JAKMIP2: variants seen among roughly 807,000 people sequenced by gnomAD.
JAKMIP2 encodes janus kinase and microtubule interacting protein 2.
JAKMIP2 carries 25 observed loss-of-function variants against 115.0 expected under a neutral mutation model. The observed-to-expected ratio is 0.22, with a 90% CI of 0.16 to 0.30. The LOEUF is 0.30. JAKMIP2 is among the 10% of genes least tolerant of loss of function. JAKMIP2 has a pLI of 1.00. For missense variants in JAKMIP2, 642 were observed against 957.6 expected, an observed-to-expected ratio of 0.67 and a Z score of 4.35; for synonymous variants, 334 against 343.6, an observed-to-expected ratio of 0.97 and a Z score of 0.31.
At chr5:147,610,382 T>C (rs1337479353) in intron 20 of JAKMIP2, among the ~76,000 whole-genome samples, 1 of 152,244 alleles carries the variant, frequency 6.6e-6, no homozygotes, top group African/African-American at 2.4e-5. Context: ...ATGGTTGTCC[T>C]TTTCATTGAT....
intron 1 of JAKMIP2, among the ~76,000 whole-genome samples, chr5:147,716,116 T>C (rs995303927): frequency 1.4e-5 from 2 of 147,474 alleles, no homozygotes; most frequent in African/African-American, 5.1e-5. Flanking sequence ...GTTCTTGTGA[T>C]AGTTTACTGA....
chr5:147,718,282 C>A (rs1344607698), intron 1 of JAKMIP2, among the ~76,000 whole-genome samples: 33 of 150,142 alleles, frequency 2.2e-4, no homozygotes, highest in Non-Finnish European at 4.2e-4. Flanking sequence ...CATCAATGTT[C>A]ATCAAGGATA....
intron 1 of JAKMIP2, among the ~76,000 whole-genome samples, chr5:147,680,156 T>C (rs1020745584): frequency 1.3e-5 from 2 of 152,178 alleles, no homozygotes; most frequent in African/African-American, 4.8e-5. Context: ...AACTAGCAAA[T>C]TATTTTTATC....
intron 1 of JAKMIP2, among the ~76,000 whole-genome samples, chr5:147,767,009 C>T (rs950249731): frequency 2.0e-5 from 3 of 152,114 alleles, no homozygotes; most frequent in Admixed American, 6.6e-5. Context: ...TTTCTGCTTG[C>T]ACATTGGCCT....
intron 1 of JAKMIP2, among the ~76,000 whole-genome samples, chr5:147,693,836 T>A (rs1384043342): frequency 7.2e-5 from 11 of 152,218 alleles, no homozygotes; most frequent in African/African-American, 2.4e-4. Flanking sequence ...GAATTACAAT[T>A]AATTTGGGGG....
rs971625927 is a variant in JAKMIP2 at position 147,648,387 on chromosome 5, G to A, written c.925C>T (p.Arg309Ter). The stretch of plus-strand genomic sequence containing the variant: ...TTAGTATATCTCACCAGTTCATTTC[G>A]TTCATCTCCAAGCAAGGTATTCCTG... ...EDRNTLLGDERNELLKRVRET... is the reference protein window; with the variant it reads ...EDRNTLLGDE The change falls in exon 5 of 22, where the codon CGA becomes TGA. Residue 309 changes from arginine to a stop codon, truncating the protein, a stop_gained. Coordinates refer to ENST00000616793, the MANE Select transcript of JAKMIP2 (RefSeq NM_001270941.2). LOFTEE classifies it high-confidence loss of function. 2 of 1,593,244 alleles carry A rather than the reference G, an allele frequency of 1.3e-6. No homozygotes were observed. The highest frequency in any genetic ancestry group is 1.7e-6 in the Non-Finnish European group (2 of 1,161,916).
chr5:147,777,860 C>T (rs1755620121), intron 1 of JAKMIP2, among the ~76,000 whole-genome samples: 1 of 151,882 alleles, frequency 6.6e-6, no homozygotes, highest in African/African-American at 2.4e-5. Flanking sequence ...AAAGAGACAC[C>T]AGAAAATTAG....
At chr5:147,633,321 A>AC (rs1388503449) in intron 12 of JAKMIP2, among the ~76,000 whole-genome samples, 2 of 152,134 alleles carry the variant, frequency 1.3e-5, no homozygotes, top group African/African-American at 4.8e-5. Context: ...GCACAAACAC[A>AC]CCCACACATG....
chr5:147,698,759 T>C lies in JAKMIP2; in HGVS notation c.-148-26805A>G, dbSNP rs143521215. ...AGGCCTCCCTAGCCATGTGGAACCATGAGTCAATTAAACCTCTTTCTTTCA... is the reference window on the plus strand; with the variant it reads ...AGGCCTCCCTAGCCATGTGGAACCACGAGTCAATTAAACCTCTTTCTTTCA... On this transcript the variant is annotated intron_variant, in intron 1 of 21. Coordinates refer to ENST00000616793, the MANE Select transcript of JAKMIP2 (RefSeq NM_001270941.2). 1.0e-2 allele frequency among the ~76,000 whole-genome samples: 1,520 copies of C among 152,330 alleles called. 32 individuals carry two copies. Among genetic ancestry groups the C allele is most frequent in the African/African-American group, 0.035 (1,446 of 41,576 alleles).
At chr5:147,711,273 G>A (rs1397426035) in intron 1 of JAKMIP2, among the ~76,000 whole-genome samples, 7 of 152,158 alleles carry the variant, frequency 4.6e-5, no homozygotes, top group African/African-American at 1.7e-4. Flanking sequence ...TAATGAGGTA[G>A]TTGGCAAGTC....
intron 1 of JAKMIP2, among the ~76,000 whole-genome samples, chr5:147,714,406 A>G (rs1752889024): frequency 1.3e-5 from 2 of 152,194 alleles, no homozygotes; most frequent in South Asian, 4.1e-4. Context: ...AGGGAATGAA[A>G]AACAGGTCGA....
intron 20 of JAKMIP2, among the ~76,000 whole-genome samples, chr5:147,611,311 G>T (rs1028969807): frequency 2.6e-5 from 4 of 152,162 alleles, no homozygotes; most frequent in South Asian, 2.1e-4. Flanking sequence ...GGGCCCTTGT[G>T]GTGTAGGCAC....
At chr5:147,615,246 T>A (rs1165437368) in intron 19 of JAKMIP2, among the ~76,000 whole-genome samples, 2 of 152,178 alleles carry the variant, frequency 1.3e-5, no homozygotes, top group Non-Finnish European at 2.9e-5. Context: ...CAGTATGTGG[T>A]TCATTTTTAA....
chr5:147,642,395 A>G (rs1757921591), intron 7 of JAKMIP2, among the ~76,000 whole-genome samples: 1 of 152,186 alleles, frequency 6.6e-6, no homozygotes, highest in Admixed American at 6.6e-5. Flanking sequence ...TAGAGATATC[A>G]TGGGAATTTG....
chr5:147,733,040 A>C (rs889636261), intron 1 of JAKMIP2, among the ~76,000 whole-genome samples: 1 of 152,154 alleles, frequency 6.6e-6, no homozygotes, highest in Non-Finnish European at 1.5e-5. Context: ...TAATTAACTC[A>C]TGGTTTAGGT....
At chr5:147,661,724 G>A (rs1581373572) in intron 2 of JAKMIP2, 2 of 362,198 alleles carry the variant, frequency 5.5e-6, no homozygotes, top group East Asian at 5.5e-5. Context: ...AAGCAGCCTC[G>A]GTATCACCCA....
At chr5:147,685,531 C>T (rs1211941905) in intron 1 of JAKMIP2, among the ~76,000 whole-genome samples, 1 of 152,114 alleles carries the variant, frequency 6.6e-6, no homozygotes, top group Non-Finnish European at 1.5e-5. Flanking sequence ...TAGCCTTACT[C>T]CGGAGCCTAT....
At chr5:147,660,103 A>G (rs1443768878) in intron 3 of JAKMIP2, among the ~76,000 whole-genome samples, 1 of 152,234 alleles carries the variant, frequency 6.6e-6, no homozygotes, top group Non-Finnish European at 1.5e-5. Flanking sequence ...AGTAAGATGT[A>G]ACAGATGCTA....
At chr5:147,776,892 C>T (rs1755577970) in intron 1 of JAKMIP2, among the ~76,000 whole-genome samples, 1 of 152,150 alleles carries the variant, frequency 6.6e-6, no homozygotes, top group Non-Finnish European at 1.5e-5. Context: ...CATGCCACTG[C>T]ATTCCAGCCA....
Sources: allele counts gnomAD v4.1 joint callset (sites outside exome capture counted in the v4.1 genomes callset), GRCh38; gene constraint gnomAD v4.1.1; transcripts MANE v1.5; gene names NCBI Gene and HGNC (gene_info 2026-07-23, HGNC 2026-07-21).